Variants in PRUNE2 observed in about 807,000 individuals in gnomAD.
PRUNE2 encodes the protein protein prune homolog 2.
PRUNE2 carries 164 observed loss-of-function variants against 252.0 expected under a neutral mutation model. That is an observed-to-expected ratio of 0.65 (90% confidence interval 0.57 to 0.74). The LOEUF is 0.74. Among genes scored for constraint, PRUNE2 ranks in the 30% least tolerant of loss-of-function variants. The pLI, the probability that PRUNE2 is intolerant of heterozygous loss-of-function variation, is 0.00. For synonymous variants in PRUNE2, 1,292 were observed against 1,350.2 expected (o/e 0.96, Z 0.94); for missense variants, 3,495 against 3,711.0 (o/e 0.94, Z 1.51).
intron 1 of PRUNE2, among the ~76,000 whole-genome samples, chr9:76,901,564 A>G (rs1381334846): frequency 6.6e-6 from 1 of 152,234 alleles, no homozygotes; most frequent in Non-Finnish European, 1.5e-5. Flanking sequence ...CAGGAAGAAT[A>G]TATGCCTTCA....
intron 6 of PRUNE2, chr9:76,788,520 C>T: frequency 2.8e-6 from 2 of 717,872 alleles, no homozygotes; most frequent in Non-Finnish European, 2.6e-6. Context: ...TGGGGAAAAG[C>T]TCAATCCTGC....
intron 18 of PRUNE2, chr9:76,615,218 A>C (rs1828852561): frequency 1.0e-6 from 1 of 985,440 alleles, no homozygotes; most frequent in African/African-American, 1.7e-5. Flanking sequence ...TCTGCTTCTT[A>C]GTGAACACAG....
At chr9:76,620,442 C>T (rs375541602) in intron 17 of PRUNE2, among the ~76,000 whole-genome samples, 8 of 152,194 alleles carry the variant, frequency 5.3e-5, no homozygotes, top group East Asian at 1.9e-4. Context: ...TGCCCGGCCT[C>T]CCATAAATAT....
intron 1 of PRUNE2, among the ~76,000 whole-genome samples, chr9:76,872,198 G>A (rs111406742): frequency 1.3e-5 from 2 of 152,062 alleles, no homozygotes; most frequent in Non-Finnish European, 2.9e-5. Flanking sequence ...CATCGTCACA[G>A]GCACATTCAA....
In PRUNE2 at chr9:76,838,039, G is replaced by C. The variant is rs1387716408; in HGVS notation, c.508+8476C>G. On this transcript the variant is annotated intron_variant, in intron 4 of 18. Transcript: ENST00000376718. Reference sequence around the variant, plus strand: ...GCCCGCCTCAGCCTCCCAAAATGCTGGGATTACAGGTGTGAGCCACTGTGC... The same window carrying C: ...GCCCGCCTCAGCCTCCCAAAATGCTCGGATTACAGGTGTGAGCCACTGTGC... Among the ~76,000 whole-genome samples, 5 of 151,970 alleles carry C rather than the reference G, an allele frequency of 3.3e-5. No individual in the cohort carries two copies. In the East Asian group the frequency reaches 9.7e-4, roughly 29 times the overall value.
intron 3 of PRUNE2, among the ~76,000 whole-genome samples, chr9:76,849,468 ATG>A (rs1010806666): frequency 1.5e-4 from 12 of 79,778 alleles, no homozygotes; most frequent in African/African-American, 1.0e-3. Context: ...TTTAATACAC[ATG>A]TTTGGCATCA....
chr9:76,703,372 G>C lies in PRUNE2; in HGVS notation c.8241C>G (p.Phe2747Leu). Residue 2747 changes from phenylalanine to leucine, a missense_variant, in exon 9 of 19, where the codon TTC becomes TTG. Coordinates refer to ENST00000376718, the MANE Select transcript of PRUNE2 (RefSeq NM_015225.3). ...TTGATATCCTGGTTCCGAGCTCAAG[G>C]AACTCTGTCTCCTCCTCCATTTCCG... ...PDTEMEEETE[F>L]LELGTRISRP... The C allele has an allele frequency of 3.7e-6, 6 of 1,605,888 alleles. No homozygotes were observed. The highest frequency in any genetic ancestry group is 5.1e-6 in the Non-Finnish European group (6 of 1,175,586).
chr9:76,668,083 A>G (rs947138475), intron 9 of PRUNE2, among the ~76,000 whole-genome samples: 2 of 152,234 alleles, frequency 1.3e-5, no homozygotes, highest in East Asian at 1.9e-4. Context: ...TGGTACACCC[A>G]AATGTGTTTC....
intron 6 of PRUNE2, among the ~76,000 whole-genome samples, chr9:76,789,319 C>CA (rs1230179238): frequency 6.6e-6 from 1 of 152,124 alleles, no homozygotes; most frequent in Non-Finnish European, 1.5e-5. Flanking sequence ...TCCCATTTTA[C>CA]AAAAGAAGAA....
intron 9 of PRUNE2, among the ~76,000 whole-genome samples, chr9:76,677,202 T>C (rs1044796175): frequency 6.6e-6 from 1 of 152,254 alleles, no homozygotes; most frequent in East Asian, 1.9e-4. Context: ...CTTTTCACTT[T>C]GGTTTCTTTT....
chr9:76,839,019 T>C (rs2059231394), intron 4 of PRUNE2, among the ~76,000 whole-genome samples: 1 of 152,182 alleles, frequency 6.6e-6, no homozygotes, highest in Non-Finnish European at 1.5e-5. Flanking sequence ...TAAAAAGAAA[T>C]GCTTGCAAAA....
At chr9:76,683,778 AC>A (rs1335178338) in intron 9 of PRUNE2, among the ~76,000 whole-genome samples, 1 of 151,980 alleles carries the variant, frequency 6.6e-6, no homozygotes, top group African/African-American at 2.4e-5. Flanking sequence ...AGGCCCTGAA[AC>A]CTGATGCTAA....
intron 6 of PRUNE2, among the ~76,000 whole-genome samples, chr9:76,721,058 C>T (rs2047606312): frequency 6.6e-6 from 1 of 152,072 alleles, no homozygotes; most frequent in African/African-American, 2.4e-5. Flanking sequence ...GCCGAGATCG[C>T]ACCACTGCAC....
chr9:76,649,497 G>A (rs1408987400), intron 11 of PRUNE2, among the ~76,000 whole-genome samples: 1 of 152,024 alleles, frequency 6.6e-6, no homozygotes. Context: ...AAGGTAGGAG[G>A]GTCACCTGAG....
chr9:76,894,669 C>T (rs1454924270), intron 1 of PRUNE2, among the ~76,000 whole-genome samples: 1 of 148,584 alleles, frequency 6.7e-6, no homozygotes, highest in African/African-American at 2.6e-5. Flanking sequence ...GAGGAGGAAG[C>T]CAACATGCAC....
rs183330394 is a variant in PRUNE2 at position 76,713,718 on chromosome 9, A to G, written c.760T>C (p.Cys254Arg). The G allele has an allele frequency of 1.4e-5, 22 of 1,588,416 alleles. No individual in the cohort carries two copies. In the African/African-American group the frequency reaches 2.8e-4, roughly 20 times the overall value. ...CTGGTAATATTGCTGTGAAATAGAC[A>G]ATTCTGAAACGACAACAGGAAATTT... ...ISTVSMNLEN[C>R]LFHSNITSDL... is the part of the protein sequence containing the mutation. Residue 254 changes from cysteine to arginine, a missense_variant, in exon 7 of 19, where the codon TGT becomes CGT. By Grantham distance (180) the Cys-to-Arg change is radical (BLOSUM62 -3). Transcript: ENST00000376718.
rs1267199634 is a variant in PRUNE2, at chr9:76,826,596, G to T, written c.645C>A (p.Thr215=). The T allele has an allele frequency of 6.2e-7, 1 of 1,602,038 alleles. No homozygotes were observed. Among genetic ancestry groups the T allele is most frequent in the South Asian group, 1.1e-5 (1 of 88,986 alleles). ...REDIINVLQE[T]QFSAQGLSIE... is the part of the protein sequence containing the mutation. ...GTCACTCACCCTGAGCACTGAACTG[G>T]GTCTCCTGTAGGACGTTGATGATGT... The change falls in exon 5 of 19, where the codon ACC becomes ACA. Residue 215 remains threonine, a synonymous_variant. Transcript: ENST00000376718.
chr9:76,710,439 G>A lies in PRUNE2; in HGVS notation c.1835C>T (p.Pro612Leu), dbSNP rs1292964431. The change falls in exon 8 of 19, where the codon CCC becomes CTC. Residue 612 changes from proline to leucine, a missense_variant. Transcript: ENST00000376718. The part of the protein sequence containing the change: ...KNTGKRIPPT[P>L]MNSLVESSPS... ...CGAGCTTTCTACTAAACTATTCATG[G>A]GTGTTGGTGGGATCCTCTTTCCAGT... 2.5e-6 allele frequency: 4 copies of A among 1,613,896 alleles called. No individual in the cohort carries two copies. In the Admixed American group the frequency reaches 5.0e-5, roughly 20 times the overall value.
At position 76,692,126 on chromosome 9, in the gene PRUNE2, T is replaced by G. The variant is rs969933013; in HGVS notation, c.8276+11211A>C. 6 of 717,382 alleles carry G rather than the reference T, an allele frequency of 8.4e-6. No homozygotes were observed. In the African/African-American group the frequency reaches 1.0e-4, roughly 13 times the overall value. 44.4% of individuals were successfully genotyped at this position (717,382 alleles called of 1,614,324 possible). A position where few individuals can be genotyped will look rare whatever the true frequency, so the allele number is the denominator to read the frequency against. On this transcript the variant is annotated intron_variant, in intron 9 of 18. Coordinates refer to ENST00000376718, the MANE Select transcript of PRUNE2 (RefSeq NM_015225.3). ...ACGGAGGGTGAGAAGGATGCACGAC[T>G]ACAGCTCTTCAGCATCTCTCTTCTG...
Sources: gnomAD v4.1 joint callset for allele counts (sites outside exome capture counted in the v4.1 genomes callset) on GRCh38, gnomAD v4.1.1 for gene constraint, MANE v1.5 for transcripts, NCBI Gene and HGNC (gene_info 2026-07-23, HGNC 2026-07-21) for gene names.